Variants in NUBP1 observed in about 807,000 individuals in gnomAD.
The protein encoded by NUBP1 is NUBP iron-sulfur cluster assembly factor 1, cytosolic, also known as cytosolic Fe-S cluster assembly factor NUBP1.
In NUBP1, 46 loss-of-function variants were observed where a neutral mutation model predicts 41.8. The ratio of observed to expected loss-of-function variants is 1.10; its 90% CI spans 0.87 to 1.41. The LOEUF is 1.41. NUBP1 is among the 40% of genes most tolerant of loss of function. NUBP1 has a pLI of 0.00. For missense variants in NUBP1, 494 were observed against 414.0 expected, an observed-to-expected ratio of 1.19 and a Z score of -1.68; for synonymous variants, 189 against 154.6, an observed-to-expected ratio of 1.22 and a Z score of -1.65.
intron 3 of NUBP1, among the ~76,000 whole-genome samples, chr16:10,751,172 A>T (rs1900295988): frequency 6.6e-6 from 1 of 152,068 alleles, no homozygotes; most frequent in African/African-American, 2.4e-5. Flanking sequence ...TTCACTCCCC[A>T]AGGGAGTGAA....
intron 2 of NUBP1, among the ~76,000 whole-genome samples, 172 bp downstream of exon 2, chr16:10,744,237 G>A (rs953919753): frequency 1.3e-5 from 2 of 152,214 alleles, no homozygotes; most frequent in Admixed American, 1.3e-4. Flanking sequence ...AGTGGGCAGG[G>A]TGAGGGCGGA....
In NUBP1 at chr16:10,757,892, C is replaced by T. The variant is rs1472858347; in HGVS notation, c.471C>T (p.Leu157=). 3.1e-6 allele frequency: 5 copies of T among 1,614,058 alleles called. No homozygotes were observed. The highest frequency in any genetic ancestry group is 4.5e-5 in the East Asian group (2 of 44,886). ...TTCTAGGCATGATCAAGCAGTTCCT[C>T]CGAGATGTGGACTGGGGAGAGGTCG... ...PKKNGMIKQF[L]RDVDWGEVDY... Residue 157 remains leucine, a synonymous_variant, in exon 7 of 11, where the codon CTC becomes CTT. Coordinates refer to ENST00000283027, the MANE Select transcript of NUBP1 (RefSeq NM_002484.4). The surrounding 1 kb of genome is among the most constrained non-coding windows in gnomAD (Gnocchi z 4.1).
At chr16:10,754,248 A>ATTTTATTTTAT (rs373945552) in intron 4 of NUBP1, among the ~76,000 whole-genome samples, 20 of 139,544 alleles carry the variant, frequency 1.4e-4, no homozygotes, top group African/African-American at 5.6e-4. Context: ...ATTTTATTTT[A>ATTTTATTTTAT]TTTATTTTAT....
At position 10,768,317 on chromosome 16, in the gene NUBP1, A is replaced by G. The variant is rs1235291692; in HGVS notation, c.904+285A>G. The G allele has an allele frequency of 4.7e-6, 1 of 211,744 alleles. No homozygotes were observed. Among genetic ancestry groups the G allele is most frequent in the Non-Finnish European group, 9.5e-6 (1 of 105,780 alleles). The allele number at this position is 211,744 out of a possible 1,614,324, so 13.1% of individuals were successfully genotyped here. On this transcript the variant is annotated intron_variant, in intron 10 of 10. Transcript: ENST00000283027. This position sits in a 1 kb window ranked among gnomAD's most constrained non-coding sequence, Gnocchi z 4.3. The stretch of plus-strand genomic sequence containing the variant: ...TTTTAAAAGTAACTGATAAAAAAAA[A>G]AAAGGCCAGGTGCAGTGGCTCACAC...
chr16:10,744,517 C>A (rs1273430925), intron 2 of NUBP1, among the ~76,000 whole-genome samples: 1 of 152,316 alleles, frequency 6.6e-6, no homozygotes, highest in Non-Finnish European at 1.5e-5. Context: ...ACTCATTCAG[C>A]AGAAATGTGT....
intron 2 of NUBP1, 114 bp from the exon 3 acceptor site, chr16:10,747,029 A>G: frequency 7.8e-7 from 1 of 1,277,984 alleles, no homozygotes; most frequent in Non-Finnish European, 1.1e-6. Flanking sequence ...ATCGTTTTAA[A>G]CAGCCCCAGG....
chr16:10,749,120 G>GACACACACACACAGACACACAC lies in NUBP1; in HGVS notation c.258+1849_258+1850insCACACACAGACACACACACACA, dbSNP rs777149995. 3.2e-5 allele frequency among the ~76,000 whole-genome samples: 3 copies of GACACACACACACAGACACACAC among 92,340 alleles called. No individual in the cohort carries two copies. Among genetic ancestry groups the GACACACACACACAGACACACAC allele is most frequent in the African/African-American group, 1.2e-4 (3 of 25,742 alleles). 60.6% of individuals were successfully genotyped at this position (92,340 alleles called of 152,430 possible). On this transcript the variant is annotated intron_variant, in intron 3 of 10. Coordinates refer to ENST00000283027, the MANE Select transcript of NUBP1 (RefSeq NM_002484.4). This position sits in a 1 kb window ranked among gnomAD's most constrained non-coding sequence, Gnocchi z 4.1. The stretch of plus-strand genomic sequence containing the variant: ...AAAAAAGGATATAGATAGATACACA[G>GACACACACACACAGACACACAC]ACACATACACACACACACACACACA...
Position 10,767,901 on chromosome 16 carries a change from C to G in NUBP1, c.821-48C>G, listed in dbSNP as rs1273482261. The G allele has an allele frequency of 2.1e-5, 33 of 1,558,484 alleles. No homozygotes were observed. The highest frequency in any genetic ancestry group is 2.9e-5 in the Non-Finnish European group (33 of 1,129,772). On this transcript the variant is annotated intron_variant, in intron 9 of 10. Transcript: ENST00000283027. The surrounding 1 kb of genome is among the most constrained non-coding windows in gnomAD (Gnocchi z 4.6). Reference sequence around the variant, plus strand: ...AGAGCCCCAAGATCTTGTGGCCATTCTGTTTTCCTCTTGGACTGAATTGTC... The same window carrying G: ...AGAGCCCCAAGATCTTGTGGCCATTGTGTTTTCCTCTTGGACTGAATTGTC...
intron 2 of NUBP1, 102 bp downstream of exon 2, chr16:10,744,167 G>A (rs1899950573): frequency 2.6e-6 from 3 of 1,168,084 alleles, no homozygotes; most frequent in Non-Finnish European, 3.5e-6. Flanking sequence ...ACTGACAGCG[G>A]CAGGCTAGAA....
At chr16:10,751,090 C>T (rs1394115752) in intron 3 of NUBP1, among the ~76,000 whole-genome samples, 1 of 152,172 alleles carries the variant, frequency 6.6e-6, no homozygotes, top group Non-Finnish European at 1.5e-5. Flanking sequence ...TCAACAGCCT[C>T]TCGGGCCTGC....
At chr16:10,761,694 G>A (rs1028041909) in intron 8 of NUBP1, 63 bp from the exon 9 acceptor site, 1 of 1,149,642 alleles carries the variant, frequency 8.7e-7, no homozygotes, top group Non-Finnish European at 1.3e-6. Flanking sequence ...TCTTTAAAAT[G>A]TGGTCCATCC....
At chr16:10,744,306 G>A (rs1197913725) in intron 2 of NUBP1, among the ~76,000 whole-genome samples, 1 of 152,222 alleles carries the variant, frequency 6.6e-6, no homozygotes, top group Non-Finnish European at 1.5e-5. Flanking sequence ...GACCTGGCGC[G>A]GATGGAGGGT....
At chr16:10,755,238 G>A (rs952418775) in intron 4 of NUBP1, among the ~76,000 whole-genome samples, 2 of 152,178 alleles carry the variant, frequency 1.3e-5, no homozygotes, top group African/African-American at 2.4e-5. Context: ...CTGCTGGGGG[G>A]AAGAGGTCTG....
In NUBP1 at chr16:10,761,795, G is replaced by A. The variant is rs565678589; in HGVS notation, c.756G>A (p.Ala252=). 5.6e-5 allele frequency: 90 copies of A among 1,614,054 alleles called. No homozygotes were observed. Among genetic ancestry groups the A allele is most frequent in the South Asian group, 2.5e-4 (23 of 91,084 alleles). Residue 252 remains alanine (A), a synonymous_variant, in exon 9 of 11, where the codon GCG becomes GCA. Coordinates refer to ENST00000283027, the MANE Select transcript of NUBP1 (RefSeq NM_002484.4). ...SQIFPPTTGG[A]ELMCQDLEVP... ...TATTCCCTCCCACAACCGGGGGCGCGGAGCTCATGTGCCAGGACTTGGAGG... is the reference window on the plus strand; with the variant it reads ...TATTCCCTCCCACAACCGGGGGCGCAGAGCTCATGTGCCAGGACTTGGAGG...
At chr16:10,755,590 G>T (rs145210217) in intron 4 of NUBP1, 131 bp from the exon 5 acceptor site, 3 of 898,486 alleles carry the variant, frequency 3.3e-6, no homozygotes, top group Admixed American at 2.3e-5. Flanking sequence ...TAGGAATTTC[G>T]TGGTACCATG....
intron 8 of NUBP1, 134 bp from the exon 9 acceptor site, chr16:10,761,617 TAAAGGA>T: frequency 3.1e-6 from 3 of 967,048 alleles, no homozygotes; most frequent in Admixed American, 2.6e-5. Context: ...TTCTGCTGAC[TAAAGGA>T]AAGTTCTTTA....
intron 6 of NUBP1, 106 bp downstream of exon 6, chr16:10,756,886 A>C: frequency 1.2e-6 from 1 of 828,284 alleles, no homozygotes; most frequent in Non-Finnish European, 1.9e-6. Context: ...TGGACTTCAC[A>C]GTATATTATT....
Position 10,761,811 on chromosome 16 carries a change from G to A in NUBP1, c.772G>A (p.Asp258Asn). ...CGGGGGCGCGGAGCTCATGTGCCAG[G>A]ACTTGGAGGTCCCTCTCCTCGGCAG... ...TTGGAELMCQ[D>N]LEVPLLGRVP... The change falls in exon 9 of 11, where the codon GAC (aspartate) becomes AAC (asparagine). Residue 258 changes from aspartate to asparagine, a missense_variant. By Grantham distance (23) the Asp-to-Asn change is conservative. Coordinates refer to ENST00000283027, the MANE Select transcript of NUBP1 (RefSeq NM_002484.4). The A allele has an allele frequency of 6.2e-7, 1 of 1,614,038 alleles. No homozygotes were observed.
At chr16:10,748,837 C>T (rs974061233) in intron 3 of NUBP1, among the ~76,000 whole-genome samples, 3 of 152,066 alleles carry the variant, frequency 2.0e-5, no homozygotes, top group African/African-American at 7.2e-5. Flanking sequence ...ACACTGTAAT[C>T]ACAGCACTTT....
Sources: gnomAD v4.1 joint callset for allele counts (sites outside exome capture counted in the v4.1 genomes callset) on GRCh38, gnomAD v4.1.1 for gene constraint, Gnocchi (gnomAD v3.1) non-coding constraint, MANE v1.5 for transcripts, NCBI Gene and HGNC (gene_info 2026-07-23, HGNC 2026-07-21) for gene names.